DHX8: variants seen among roughly 807,000 people sequenced by gnomAD.
DHX8 encodes DEAH-box helicase 8, also known as ATP-dependent RNA helicase DHX8.
DHX8 carries 67 observed loss-of-function variants against 140.7 expected under a neutral mutation model. That is an observed-to-expected ratio of 0.48 (90% CI 0.39 to 0.58). DHX8 has a LOEUF of 0.58. Among genes scored for constraint, DHX8 ranks in the 20% least tolerant of loss-of-function variants. DHX8 has a pLI of 0.00. For synonymous variants in DHX8, 533 were observed against 553.2 expected (o/e 0.96, Z 0.51); for missense variants, 887 against 1,550.7 (o/e 0.57, Z 7.19).
intron 1 of DHX8, among the ~76,000 whole-genome samples, chr17:43,484,853 G>A (rs1430939375): frequency 6.6e-6 from 1 of 152,024 alleles, no homozygotes; most frequent in African/African-American, 2.4e-5. Flanking sequence ...GTATTGCCCA[G>A]GCTGGTCTCG....
chr17:43,543,096 C>G lies in DHX8; in HGVS notation c.*21-1066C>G, dbSNP rs537470411. Among the ~76,000 whole-genome samples, 43 of 152,086 alleles carry G rather than the reference C, an allele frequency of 2.8e-4. No individual in the cohort carries two copies. In the South Asian group the frequency reaches 5.8e-3, roughly 21 times the overall value. On this transcript the variant is annotated intron_variant, in intron 3 of 3. Transcript: ENST00000589898. ...GGAGCGATCGGCCTCAGCATCCCCC[C>G]CTCAGACCTGGCCATCCATCACCAG...
chr17:43,541,209 G>T (rs973940898), intron 3 of DHX8, among the ~76,000 whole-genome samples: 3 of 152,212 alleles, frequency 2.0e-5, no homozygotes, highest in African/African-American at 7.2e-5. Flanking sequence ...AAAGGGGTAG[G>T]CCAGGGCCCT....
chr17:43,509,187 C>T (rs1032759616), intron 16 of DHX8, among the ~76,000 whole-genome samples: 11 of 152,138 alleles, frequency 7.2e-5, no homozygotes, highest in Non-Finnish European at 1.3e-4. Context: ...GATACCCAGG[C>T]GGGAGCACCC....
intron 3 of DHX8, among the ~76,000 whole-genome samples, chr17:43,541,704 G>A (rs1971531648): frequency 6.6e-6 from 1 of 152,136 alleles, no homozygotes; most frequent in African/African-American, 2.4e-5. Flanking sequence ...GGGGGTAGAG[G>A]CATTCTCCAG....
intron 18 of DHX8, chr17:43,518,189 T>C (rs944256675): frequency 2.6e-5 from 4 of 152,228 alleles, no homozygotes; most frequent in Non-Finnish European, 4.4e-5. Context: ...TGATGATTGC[T>C]AACATAATTC....
intron 20 of DHX8, 134 bp from the exon 21 acceptor site, chr17:43,521,235 T>A: frequency 1.3e-6 from 1 of 750,168 alleles, no homozygotes; most frequent in Non-Finnish European, 2.1e-6. Context: ...AATGCTGGGA[T>A]TACAGGCCTG....
intron 2 of DHX8, chr17:43,533,853 G>T (rs770918510): frequency 6.8e-6 from 11 of 1,606,926 alleles, no homozygotes; most frequent in Non-Finnish European, 7.6e-6. Flanking sequence ...CCAGGCTGGG[G>T]CTCACCTGGA....
chr17:43,518,531 G>A (rs2154586846), intron 18 of DHX8: 1 of 152,230 alleles, frequency 6.6e-6, no homozygotes, highest in African/African-American at 2.4e-5. Context: ...TAGATATATA[G>A]TAGAAATGAT....
rs182707870 is a variant in DHX8, at chr17:43,516,737, C to T, written c.2644-430C>T. Among the ~76,000 whole-genome samples the T allele has an allele frequency of 4.3e-3, 653 of 152,276 alleles. 4 individuals are homozygous for T. The highest frequency in any genetic ancestry group is 0.01 in the Middle Eastern group (3 of 294). ...GTGCTGGGATTATAGGCATAAGCCA[C>T]GACGCTTGGCCTGCAAACATAATTT... On this transcript the variant is annotated intron_variant, in intron 17 of 22. Transcript: ENST00000262415.
intron 2 of DHX8, 22 bp from the exon 3 acceptor site, chr17:43,490,369 C>T (rs936125766): frequency 3.1e-6 from 5 of 1,602,576 alleles, no homozygotes; most frequent in African/African-American, 1.3e-5. Context: ...TGACAATTTT[C>T]GTTCTATGTT....
At chr17:43,514,954 T>C (rs759464946) in intron 17 of DHX8, among the ~76,000 whole-genome samples, 34 of 152,296 alleles carry the variant, frequency 2.2e-4, no homozygotes, top group Admixed American at 4.6e-4. Flanking sequence ...AAATAGATGG[T>C]GAGCATTTCT....
At chr17:43,511,596 T>G (rs1003869498) in intron 16 of DHX8, among the ~76,000 whole-genome samples, 9 of 151,036 alleles carry the variant, frequency 6.0e-5, no homozygotes, top group African/African-American at 2.2e-4. Context: ...TAGCTGGGAT[T>G]ACAGGCATGT....
chr17:43,483,976 AC>A lies in DHX8; in HGVS notation c.-59del. 1 of 1,582,560 alleles carries A rather than the reference AC, an allele frequency of 6.3e-7. No homozygotes were observed. Among genetic ancestry groups the A allele is most frequent in the South Asian group, 1.1e-5 (1 of 88,128 alleles). Reference sequence around the variant, plus strand: ...CGCTGACCCGGAAGTGAAAGCTGGAACCCGGCCGGAGTAGCTCTGAGCGCCG... The same window carrying A: ...CGCTGACCCGGAAGTGAAAGCTGGAACCGGCCGGAGTAGCTCTGAGCGCCG... On this transcript the variant is annotated 5_prime_UTR_variant, in exon 1 of 23. Coordinates refer to ENST00000262415, the MANE Select transcript of DHX8 (RefSeq NM_004941.3).
intron 4 of DHX8, 43 bp from the exon 5 acceptor site, chr17:43,492,140 G>C: frequency 7.3e-7 from 1 of 1,368,270 alleles, no homozygotes; most frequent in Middle Eastern, 1.8e-4. Context: ...ACAGATTCTT[G>C]AGTAGTTTTT....
At position 43,489,504 on chromosome 17, in the gene DHX8, T is replaced by C. The variant is rs781421188; in HGVS notation, c.204T>C (p.Ala68=). The change falls in exon 2 of 23, where the codon GCT becomes GCC. Residue 68 remains alanine (A), a synonymous_variant. Coordinates refer to ENST00000262415, the MANE Select transcript of DHX8 (RefSeq NM_004941.3). The part of the protein sequence containing the change: ...EKNTTFDTFK[A]SLVKNGAEFT... ...ATACCACCTTTGATACTTTTAAGGC[T>C]TCTCTCGTCAAAAATGGTGCAGAAT... 6 of 1,612,828 alleles carry C rather than the reference T, an allele frequency of 3.7e-6. No individual in the cohort carries two copies. In the South Asian group the frequency reaches 6.6e-5, roughly 18 times the overall value.
intron 2 of DHX8, among the ~76,000 whole-genome samples, chr17:43,532,421 C>T (rs983893547): frequency 1.3e-5 from 2 of 152,060 alleles, no homozygotes; most frequent in Non-Finnish European, 2.9e-5. Context: ...ATCGCTTGAA[C>T]CCGGTAGGCA....
intron 2 of DHX8, among the ~76,000 whole-genome samples, chr17:43,534,429 G>A (rs917572714): frequency 2.0e-5 from 3 of 152,190 alleles, no homozygotes; most frequent in Admixed American, 2.0e-4. Flanking sequence ...AGGAGGCGGG[G>A]ATTGCAGTGA....
chr17:43,520,835 A>G lies in DHX8; in HGVS notation c.3022A>G (p.Ile1008Val). 6.2e-7 allele frequency: 1 copy of G among 1,614,128 alleles called. No individual in the cohort carries two copies. Among genetic ancestry groups the G allele is most frequent in the Non-Finnish European group, 8.5e-7 (1 of 1,180,022 alleles). Reference protein sequence around the residue: ...HLGCSEEMLTIVSMLSVQNVF... With the variant: ...HLGCSEEMLTVVSMLSVQNVF... ...GGGCTGCAGTGAGGAAATGCTGACC[A>G]TTGTATCCATGCTGTCTGTGCAGAA... The change falls in exon 20 of 23, where the codon ATT becomes GTT. Residue 1008 changes from isoleucine (I) to valine (V), a missense_variant. Coordinates refer to ENST00000262415, the MANE Select transcript of DHX8 (RefSeq NM_004941.3).
intron 12 of DHX8, among the ~76,000 whole-genome samples, chr17:43,505,430 G>T (rs778339813): frequency 3.3e-5 from 5 of 151,678 alleles, no homozygotes; most frequent in African/African-American, 4.8e-5. Flanking sequence ...TTACCTGGGT[G>T]TGGTGGTCCA....
Sources: gnomAD v4.1 joint callset for allele counts (sites outside exome capture counted in the v4.1 genomes callset) on GRCh38, gnomAD v4.1.1 for gene constraint, MANE v1.5 for transcripts, NCBI Gene and HGNC (gene_info 2026-07-23, HGNC 2026-07-21) for gene names.